Variants in UBAP1 observed in about 807,000 individuals in gnomAD.
The protein encoded by UBAP1 is ubiquitin associated protein 1, also known as ubiquitin-associated protein 1.
Under a neutral mutation model 39.0 loss-of-function variants are expected in UBAP1, and 5 were observed. That is an observed-to-expected ratio of 0.13 (90% CI 0.07 to 0.27). The LOEUF (loss-of-function observed/expected upper bound fraction) is 0.27. Ranked by LOEUF, UBAP1 falls within the 10% of genes least tolerant of loss-of-function variation. The probability of loss-of-function intolerance (pLI) is 1.00; values close to 1 mark genes in which losing one functional copy is unlikely to be tolerated. For synonymous variants in UBAP1, 211 were observed against 225.1 expected, an observed-to-expected ratio of 0.94 and a Z score of 0.56; for missense variants, 490 against 608.1, an observed-to-expected ratio of 0.81 and a Z score of 2.04.
intron 2 of UBAP1, among the ~76,000 whole-genome samples, chr9:34,223,718 G>T (rs945705749): frequency 2.6e-5 from 4 of 152,196 alleles, no homozygotes; most frequent in East Asian, 1.9e-4. Flanking sequence ...GCCTCCCAAA[G>T]TGTTGGGGTT....
intron 4 of UBAP1, 108 bp downstream of exon 4, chr9:34,242,216 GC>G: frequency 2.5e-6 from 3 of 1,205,072 alleles, no homozygotes; most frequent in Non-Finnish European, 3.5e-6. Flanking sequence ...TCATTCTGTT[GC>G]CCAGGCTGGA....
intron 1 of UBAP1, among the ~76,000 whole-genome samples, chr9:34,193,209 G>A (rs183038428): frequency 3.0e-4 from 46 of 152,254 alleles, no homozygotes; most frequent in African/African-American, 1.1e-3. Context: ...ACTCAGGGGG[G>A]CTGAGGCAGG....
intron 1 of UBAP1, among the ~76,000 whole-genome samples, chr9:34,209,708 T>C (rs1831911643): frequency 6.6e-6 from 1 of 152,202 alleles, no homozygotes; most frequent in Non-Finnish European, 1.5e-5. Context: ...ACCTATTTTT[T>C]TTTTTGTTTG....
chr9:34,190,348 G>A (rs1169807099), intron 1 of UBAP1, among the ~76,000 whole-genome samples: 1 of 152,158 alleles, frequency 6.6e-6, no homozygotes, highest in Non-Finnish European at 1.5e-5. Flanking sequence ...GGAGTGCAGT[G>A]GTGTGGTCTT....
chr9:34,241,440 G>A lies in UBAP1; in HGVS notation c.415G>A (p.Ala139Thr), dbSNP rs146624679. The change falls in exon 4 of 7, where the codon GCC (alanine) becomes ACC (threonine). Residue 139 changes from alanine (A) to threonine (T), a missense_variant. By Grantham distance (58) the Ala-to-Thr change is moderately conservative. This residue lies in a region of UBAP1 where 144 missense variants were observed against 184.4 expected (regional missense o/e 0.78). Coordinates refer to ENST00000297661, the MANE Select transcript of UBAP1 (RefSeq NM_016525.5). ...ILTPTRVSSS[A>T]TKQKVLSPPH... Reference sequence around the variant, plus strand: ...CACACCAACTCGGGTCAGCAGTAGTGCCACGAAACAGAAAGTTCTCAGCCC... The same window carrying A: ...CACACCAACTCGGGTCAGCAGTAGTACCACGAAACAGAAAGTTCTCAGCCC... 4.4e-6 allele frequency: 7 copies of A among 1,602,780 alleles called. No homozygotes were observed. Among genetic ancestry groups the A allele is most frequent in the African/African-American group, 2.7e-5 (2 of 74,762 alleles).
At chr9:34,223,622 T>C (rs1832879516) in intron 2 of UBAP1, among the ~76,000 whole-genome samples, 1 of 151,986 alleles carries the variant, frequency 6.6e-6, no homozygotes, top group African/African-American at 2.4e-5. Flanking sequence ...CCCAGCTAAT[T>C]TTTTTGTATT....
exon 1 of UBAP1, chr9:34,179,041 GAGGGAA>G: frequency 7.9e-7 from 1 of 1,264,424 alleles, no homozygotes; most frequent in Non-Finnish European, 1.0e-6. Flanking sequence ...GGGGAAGGAG[GAGGGAA>G]GTAGGACTTC....
At position 34,251,678 on chromosome 9, in the gene UBAP1, G is replaced by C; in HGVS notation, c.*146G>C. ...GTGTGGAGACTGCTCGCCAGTCTCT[G>C]TGAGCCTAGGCCCTGAGCTGGGGAG... On this transcript the variant is annotated 3_prime_UTR_variant, in exon 7 of 7. Coordinates refer to ENST00000297661, the MANE Select transcript of UBAP1 (RefSeq NM_016525.5). The C allele has an allele frequency of 1.1e-6, 1 of 879,356 alleles. No individual in the cohort carries two copies. The allele number at this position is 879,356 out of a possible 1,614,324, so 54.5% of individuals were successfully genotyped here.
At chr9:34,223,119 AT>A (rs1832848463) in intron 2 of UBAP1, among the ~76,000 whole-genome samples, 1 of 152,152 alleles carries the variant, frequency 6.6e-6, no homozygotes, top group African/African-American at 2.4e-5. Flanking sequence ...AAAGACTGGT[AT>A]TTCCCATATC....
At chr9:34,249,718 C>T in intron 4 of UBAP1, 61 bp from the exon 5 acceptor site, 2 of 1,535,042 alleles carry the variant, frequency 1.3e-6, no homozygotes, top group South Asian at 1.1e-5. Flanking sequence ...GACTAGGCTG[C>T]CTCAGTGACT....
At chr9:34,207,924 A>G (rs192215446) in intron 1 of UBAP1, among the ~76,000 whole-genome samples, 103 of 152,318 alleles carry the variant, frequency 6.8e-4, no homozygotes, top group African/African-American at 2.4e-3. Flanking sequence ...CCCATCTAAT[A>G]TGAAATAACA....
intron 5 of UBAP1, 142 bp from the exon 6 acceptor site, chr9:34,250,516 A>G (rs1226930383): frequency 6.9e-6 from 4 of 579,474 alleles, no homozygotes; most frequent in South Asian, 3.9e-5. Flanking sequence ...GGACACAGTC[A>G]AGGCACAAAA....
intron 3 of UBAP1, 140 bp downstream of exon 3, chr9:34,234,480 G>A: frequency 1.0e-6 from 1 of 996,416 alleles, no homozygotes. Flanking sequence ...TACAATGGTG[G>A]TCCCATAAAA....
chr9:34,179,382 C>T lies in UBAP1; in HGVS notation c.-8+142C>T, dbSNP rs1056115138. ...CTAGGAGGTGGGAGGGAAAAGTGGC[C>T]GGAGATCCGCGATTCGGGGAGGATT... On this transcript the variant is annotated intron_variant, in intron 1 of 6. Transcript: ENST00000297661. 94 of 578,926 alleles carry T rather than the reference C, an allele frequency of 1.6e-4. No individual in the cohort carries two copies. The East Asian group carries it at 3.2e-3, about 20-fold the overall frequency. The allele number at this position is 578,926 out of a possible 1,614,324, so 35.9% of individuals were successfully genotyped here.
At chr9:34,185,412 G>A (rs1829994073) in intron 1 of UBAP1, among the ~76,000 whole-genome samples, 1 of 152,140 alleles carries the variant, frequency 6.6e-6, no homozygotes, top group African/African-American at 2.4e-5. Context: ...AGCTGGGATT[G>A]GTGGTTCATG....
At chr9:34,184,917 C>T (rs2131492467) in intron 1 of UBAP1, among the ~76,000 whole-genome samples, 1 of 147,796 alleles carries the variant, frequency 6.8e-6, no homozygotes, top group South Asian at 2.1e-4. Flanking sequence ...CCACCGCGCC[C>T]AGCCAATCCT....
chr9:34,189,573 A>C (rs1236308593), intron 1 of UBAP1, among the ~76,000 whole-genome samples: 4 of 152,172 alleles, frequency 2.6e-5, no homozygotes, highest in Admixed American at 2.0e-4. Flanking sequence ...CAGCCAAATT[A>C]AAAATCACTG....
At chr9:34,247,318 T>C (rs570771437) in intron 4 of UBAP1, among the ~76,000 whole-genome samples, 30 of 152,324 alleles carry the variant, frequency 2.0e-4, no homozygotes, top group African/African-American at 6.7e-4. Flanking sequence ...TCTGTTAGGA[T>C]AGATGATACT....
At chr9:34,185,423 C>T (rs1308062106) in intron 1 of UBAP1, among the ~76,000 whole-genome samples, 1 of 152,164 alleles carries the variant, frequency 6.6e-6, no homozygotes, top group Admixed American at 6.6e-5. Context: ...GTGGTTCATG[C>T]CTGTAGTCCC....
Sources: allele counts gnomAD v4.1 joint callset (sites outside exome capture counted in the v4.1 genomes callset), GRCh38; gene constraint gnomAD v4.1.1; regional missense constraint gnomAD v4.1.1; transcripts MANE v1.5; gene names NCBI Gene and HGNC (gene_info 2026-07-23, HGNC 2026-07-21).